Variants in SPAG16 observed in about 807,000 individuals in gnomAD.
SPAG16 encodes sperm-associated antigen 16 protein.
Under a neutral mutation model 80.4 loss-of-function variants are expected in SPAG16, and 86 were observed. The ratio of observed to expected loss-of-function variants is 1.07; its 90% confidence interval spans 0.90 to 1.28. The LOEUF is 1.28. Ranked by LOEUF, SPAG16 falls within the 50% of genes most tolerant of loss-of-function variation. The pLI is 0.00. For synonymous variants in SPAG16, 294 were observed against 265.9 expected, an observed-to-expected ratio of 1.11 and a Z score of -1.03; for missense variants, 870 against 765.3, an observed-to-expected ratio of 1.14 and a Z score of -1.61.
intron 11 of SPAG16, among the ~76,000 whole-genome samples, chr2:213,896,642 CTATTA>C (rs1043645667): frequency 1.5e-5 from 2 of 133,624 alleles, no homozygotes; most frequent in African/African-American, 2.6e-5. Flanking sequence ...ATATGATATT[CTATTA>C]TGTGTGTGTT....
In SPAG16 at chr2:213,862,572, G is replaced by A; in HGVS notation, c.1158G>A (p.Val386=). 6.2e-7 allele frequency: 1 copy of A among 1,614,150 alleles called. No homozygotes were observed. Among genetic ancestry groups the A allele is most frequent in the Non-Finnish European group, 8.5e-7 (1 of 1,180,012 alleles). The change falls in exon 11 of 16, where the codon GTG becomes GTA. Residue 386 remains valine (V), a synonymous_variant. Transcript: ENST00000331683. ...TGTTGGGCCTTCCAAAATGCAATGTGCTTCTCACGGGATTTGGCCACACTG... is the reference window on the plus strand; with the variant it reads ...TGTTGGGCCTTCCAAAATGCAATGTACTTCTCACGGGATTTGGCCACACTG... ...WKVLGLPKCN[V]LLTGFGHTDW... is the part of the protein sequence containing the mutation.
intron 15 of SPAG16, among the ~76,000 whole-genome samples, chr2:214,226,081 C>T (rs2058691325): frequency 6.6e-6 from 1 of 152,098 alleles, no homozygotes; most frequent in Non-Finnish European, 1.5e-5. Flanking sequence ...TTGCAAATTA[C>T]TGCATAACAT....
intron 15 of SPAG16, among the ~76,000 whole-genome samples, chr2:214,337,470 G>A (rs1203441648): frequency 6.6e-6 from 1 of 152,228 alleles, no homozygotes; most frequent in Admixed American, 6.5e-5. Flanking sequence ...CAGCTGCAGA[G>A]CAGCTACATG....
chr2:213,941,461 C>T (rs185901279), intron 12 of SPAG16, among the ~76,000 whole-genome samples: 79 of 152,138 alleles, frequency 5.2e-4, no homozygotes, highest in Non-Finnish European at 9.9e-4. Flanking sequence ...CACACACATA[C>T]GCATACATAG....
intron 15 of SPAG16, among the ~76,000 whole-genome samples, chr2:214,294,987 C>T (rs537594994): frequency 1.3e-5 from 2 of 152,288 alleles, no homozygotes; most frequent in Non-Finnish European, 2.9e-5. Flanking sequence ...ATGCCTGTAT[C>T]CCTGTATGAG....
intron 15 of SPAG16, among the ~76,000 whole-genome samples, chr2:214,176,877 A>G (rs2057103948): frequency 6.6e-6 from 1 of 150,880 alleles, no homozygotes; most frequent in Non-Finnish European, 1.5e-5. Flanking sequence ...TGTGCTATCA[A>G]TTTTTTAAAA....
At chr2:213,825,115 T>C (rs545931982) in intron 10 of SPAG16, among the ~76,000 whole-genome samples, 5 of 152,186 alleles carry the variant, frequency 3.3e-5, no homozygotes, top group Non-Finnish European at 7.4e-5. Context: ...TCAGTTCTAA[T>C]GGTGTTTTGG....
chr2:213,971,879 G>GT (rs895112369), intron 12 of SPAG16, among the ~76,000 whole-genome samples: 17 of 148,200 alleles, frequency 1.1e-4, no homozygotes, highest in East Asian at 3.9e-4. Flanking sequence ...TTGTTTTTTG[G>GT]TTTTTTTTTT....
intron 10 of SPAG16, among the ~76,000 whole-genome samples, chr2:213,751,988 G>A (rs1575034081): frequency 6.6e-6 from 1 of 151,984 alleles, no homozygotes; most frequent in Non-Finnish European, 1.5e-5. Flanking sequence ...AAACTAAACC[G>A]AAAAAGTAAA....
intron 9 of SPAG16, among the ~76,000 whole-genome samples, chr2:213,418,208 ATG>A (rs2069379721): frequency 6.6e-6 from 1 of 152,230 alleles, no homozygotes; most frequent in South Asian, 2.1e-4. Context: ...ATACACATAT[ATG>A]CATACATGGT....
intron 10 of SPAG16, among the ~76,000 whole-genome samples, chr2:213,600,100 A>G (rs1243798205): frequency 6.6e-6 from 1 of 151,702 alleles, no homozygotes; most frequent in African/African-American, 2.4e-5. Flanking sequence ...TTTAAAGTTC[A>G]TACTTAAAAT....
At chr2:213,953,471 A>G (rs10932517) in intron 12 of SPAG16, among the ~76,000 whole-genome samples, 108,860 of 151,546 alleles carry the variant, frequency 0.72, 39,312 homozygotes, top group South Asian at 0.86. Context: ...TAGGTCTTGG[A>G]ACACAAATGT....
intron 13 of SPAG16, among the ~76,000 whole-genome samples, chr2:214,088,044 G>A (rs1274555785): frequency 6.6e-6 from 1 of 150,992 alleles, no homozygotes; most frequent in Non-Finnish European, 1.5e-5. Context: ...AAAAGGAAGA[G>A]GAATACAATT....
intron 14 of SPAG16, among the ~76,000 whole-genome samples, chr2:214,121,965 G>C (rs1171795719): frequency 6.6e-6 from 1 of 151,616 alleles, no homozygotes; most frequent in Non-Finnish European, 1.5e-5. Context: ...CTATTCCTAA[G>C]AATTTTGTAT....
chr2:214,359,367 C>T (rs528800097), intron 15 of SPAG16, among the ~76,000 whole-genome samples: 3 of 151,940 alleles, frequency 2.0e-5, no homozygotes, highest in African/African-American at 4.8e-5. Flanking sequence ...AGGCTACTCT[C>T]CTAAAATCAT....
At chr2:213,426,639 T>A (rs1206255729) in intron 9 of SPAG16, among the ~76,000 whole-genome samples, 2 of 151,960 alleles carry the variant, frequency 1.3e-5, no homozygotes. Flanking sequence ...TATTTTTGCT[T>A]CTCTGGCTAG....
intron 10 of SPAG16, among the ~76,000 whole-genome samples, chr2:213,803,869 TAAAC>T (rs1266902659): frequency 4.6e-5 from 7 of 152,152 alleles, no homozygotes; most frequent in African/African-American, 1.2e-4. Flanking sequence ...TATACAAAAA[TAAAC>T]AAACAAATCA....
intron 10 of SPAG16, among the ~76,000 whole-genome samples, chr2:213,543,105 G>T (rs2076507270): frequency 6.6e-6 from 1 of 151,862 alleles, no homozygotes; most frequent in Non-Finnish European, 1.5e-5. Context: ...ACAATTTTAT[G>T]GTCAATAAAC....
At chr2:214,237,635 A>G (rs898700109) in intron 15 of SPAG16, among the ~76,000 whole-genome samples, 7 of 152,066 alleles carry the variant, frequency 4.6e-5, no homozygotes, top group African/African-American at 1.4e-4. Flanking sequence ...TTGTTGATTC[A>G]ATTTTTGTCA....
Sources: gnomAD v4.1 joint callset for allele counts (sites outside exome capture counted in the v4.1 genomes callset) on GRCh38, gnomAD v4.1.1 for gene constraint, MANE v1.5 for transcripts, NCBI Gene and HGNC (gene_info 2026-07-23, HGNC 2026-07-21) for gene names.